The following GRM7 variants were observed in gnomAD, a reference collection of about 807,000 sequenced individuals.
GRM7 encodes the protein metabotropic glutamate receptor 7.
Under a neutral mutation model 84.5 loss-of-function variants are expected in GRM7, and 35 were observed. That is an observed-to-expected ratio of 0.41 (90% CI 0.32 to 0.55). The LOEUF (loss-of-function observed/expected upper bound fraction) is 0.55, where lower values mean the gene tolerates loss of function less well. Ranked by LOEUF, GRM7 falls within the 20% of genes least tolerant of loss-of-function variation. GRM7 has a pLI of 0.19. For synonymous variants in GRM7, 487 were observed against 455.1 expected (o/e 1.07, Z -0.89); for missense variants, 1,003 against 1,194.6 (o/e 0.84, Z 2.36).
At chr3:7,104,763 A>G (rs1411680494) in intron 1 of GRM7, among the ~76,000 whole-genome samples, 2 of 151,970 alleles carry the variant, frequency 1.3e-5, no homozygotes, top group African/African-American at 2.4e-5. Flanking sequence ...AAGAGCTGGT[A>G]TGTTATCCCT....
At chr3:7,445,483 G>A (rs1408870994) in intron 5 of GRM7, among the ~76,000 whole-genome samples, 2 of 152,166 alleles carry the variant, frequency 1.3e-5, no homozygotes, top group Admixed American at 6.5e-5. Flanking sequence ...CAATTAACAC[G>A]TGCTGCGGGT....
At chr3:7,503,852 GC>G (rs889865525) in intron 7 of GRM7, among the ~76,000 whole-genome samples, 37 of 152,166 alleles carry the variant, frequency 2.4e-4, no homozygotes, top group African/African-American at 8.4e-4. Flanking sequence ...ATTAATGAAT[GC>G]AGAGCTAAGG....
intron 4 of GRM7, among the ~76,000 whole-genome samples, chr3:7,374,376 G>A (rs146500359): frequency 1.3e-5 from 2 of 151,960 alleles, no homozygotes; most frequent in East Asian, 1.9e-4. Context: ...GCCACACCTC[G>A]CTTTGTTGCC....
chr3:7,228,194 A>G (rs913755786), intron 2 of GRM7, among the ~76,000 whole-genome samples: 1 of 152,142 alleles, frequency 6.6e-6, no homozygotes, highest in Non-Finnish European at 1.5e-5. Context: ...CTGAGAACAG[A>G]TAAGGGAAAG....
At chr3:7,497,761 A>T (rs6810187) in intron 7 of GRM7, among the ~76,000 whole-genome samples, 108,297 of 152,066 alleles carry the variant, frequency 0.71, 39,252 homozygotes, top group African/African-American at 0.82. Context: ...TTAAGTCCTA[A>T]CTTCACCATT....
chr3:7,721,940 G>T (rs1308047169), intron 9 of GRM7, among the ~76,000 whole-genome samples: 1 of 152,218 alleles, frequency 6.6e-6, no homozygotes, highest in Non-Finnish European at 1.5e-5. Flanking sequence ...TGGAACAGTG[G>T]CTAATGATGA....
intron 7 of GRM7, among the ~76,000 whole-genome samples, chr3:7,567,036 A>G (rs1449492273): frequency 3.3e-5 from 5 of 152,192 alleles, no homozygotes; most frequent in Non-Finnish European, 7.3e-5. Context: ...CTACAATGAA[A>G]TCCGTTCTTG....
At chr3:7,517,349 AAC>A (rs1426093382) in intron 7 of GRM7, among the ~76,000 whole-genome samples, 1 of 141,810 alleles carries the variant, frequency 7.1e-6, no homozygotes. Flanking sequence ...TTGTAATAAT[AAC>A]AGTGGTTACT....
At chr3:7,435,312 T>G (rs531793034) in intron 5 of GRM7, among the ~76,000 whole-genome samples, 2 of 151,924 alleles carry the variant, frequency 1.3e-5, no homozygotes, top group South Asian at 4.2e-4. Flanking sequence ...TACAGGTGTG[T>G]GCCACCACCC....
intron 1 of GRM7, among the ~76,000 whole-genome samples, chr3:6,894,569 A>T (rs1243915799): frequency 6.6e-6 from 1 of 152,162 alleles, no homozygotes; most frequent in Non-Finnish European, 1.5e-5. Flanking sequence ...ATATATATAC[A>T]TATGTGTGTA....
chr3:7,518,316 C>T (rs1289680403), intron 7 of GRM7, among the ~76,000 whole-genome samples: 2 of 152,190 alleles, frequency 1.3e-5, no homozygotes, highest in African/African-American at 4.8e-5. Flanking sequence ...GTGAAGGCAG[C>T]TGCAAGTTAA....
At chr3:6,916,572 C>T (rs985249586) in intron 1 of GRM7, among the ~76,000 whole-genome samples, 3 of 152,116 alleles carry the variant, frequency 2.0e-5, no homozygotes, top group African/African-American at 7.2e-5. Context: ...CTGGTGAGGG[C>T]TCTCGGCATC....
At position 7,266,166 on chromosome 3, in the gene GRM7, A is replaced by T. The variant is rs138177019; in HGVS notation, c.737-32518A>T. Among the ~76,000 whole-genome samples, 564 of 152,314 alleles carry T rather than the reference A, an allele frequency of 3.7e-3. 2 individuals are homozygous for T. The highest frequency in any genetic ancestry group is 0.012 in the African/African-American group (518 of 41,568). On this transcript the variant is annotated intron_variant, in intron 2 of 9. Transcript: ENST00000357716. ...TGAACAAATGAAGGTACAATAATAC[A>T]GTAGGGGTAAAAAATACTAGTTCAT...
intron 1 of GRM7, among the ~76,000 whole-genome samples, chr3:7,033,464 C>A (rs1696263986): frequency 6.6e-6 from 1 of 152,132 alleles, no homozygotes; most frequent in Non-Finnish European, 1.5e-5. Flanking sequence ...TGAAAAGCAA[C>A]AACATTTATA....
At chr3:7,635,489 C>G (rs548730365) in intron 8 of GRM7, among the ~76,000 whole-genome samples, 8 of 152,224 alleles carry the variant, frequency 5.3e-5, no homozygotes, top group African/African-American at 1.7e-4. Flanking sequence ...TGCCACTTTG[C>G]TTGTTTAAGA....
chr3:6,938,086 T>C (rs753550548), intron 1 of GRM7, among the ~76,000 whole-genome samples: 5 of 152,328 alleles, frequency 3.3e-5, no homozygotes, highest in Admixed American at 6.5e-5. Context: ...GACAACAGCC[T>C]GAGCACCTTC....
intron 6 of GRM7, among the ~76,000 whole-genome samples, chr3:7,454,090 ACTCTCT>A (rs58338960): frequency 0.016 from 2,194 of 140,210 alleles, 70 homozygotes; most frequent in Admixed American, 0.07. Context: ...CTACACACAC[ACTCTCT>A]CTCTCTCTCT....
At chr3:7,660,957 T>C (rs1699417548) in intron 8 of GRM7, among the ~76,000 whole-genome samples, 2 of 152,204 alleles carry the variant, frequency 1.3e-5, no homozygotes, top group African/African-American at 4.8e-5. Flanking sequence ...TAGTGCCATA[T>C]ATAAAAATCA....
chr3:7,626,027 C>A (rs922107528), intron 8 of GRM7, among the ~76,000 whole-genome samples: 1 of 152,024 alleles, frequency 6.6e-6, no homozygotes, highest in African/African-American at 2.4e-5. Flanking sequence ...ACATGGGAGG[C>A]ATGTTCTTAG....
Sources: allele counts gnomAD v4.1 joint callset (sites outside exome capture counted in the v4.1 genomes callset), GRCh38; gene constraint gnomAD v4.1.1; transcripts MANE v1.5; gene names NCBI Gene and HGNC (gene_info 2026-07-23, HGNC 2026-07-21).